The following CISD3 variants were observed in gnomAD, a reference collection of about 807,000 sequenced individuals.
CISD3 encodes the protein CDGSH iron sulfur domain 3.
CISD3 carries 11 observed loss-of-function variants against 14.1 expected under a neutral mutation model. The observed-to-expected ratio is 0.78, with a 90% CI of 0.49 to 1.29. The LOEUF (loss-of-function observed/expected upper bound fraction) is 1.29. CISD3 is among the 50% of genes most tolerant of loss of function. The pLI is 0.00. For synonymous variants in CISD3, 53 were observed against 69.2 expected (o/e 0.77, Z 1.16); for missense variants, 156 against 171.6 (o/e 0.91, Z 0.51).
Position 38,735,461 on chromosome 17 carries a change from G to A in CISD3, c.*2006G>A. The stretch of plus-strand genomic sequence containing the variant: ...GGAGGAGGTGGCTGGCAGGGTGGCA[G>A]GGCTGGGAGCCTTGTCGCTGACTGA... On this transcript the variant is annotated 3_prime_UTR_variant, in exon 4 of 4. Transcript: ENST00000613478. 2 of 1,589,858 alleles carry A rather than the reference G, an allele frequency of 1.3e-6. No individual in the cohort carries two copies. Among genetic ancestry groups the A allele is most frequent in the Non-Finnish European group, 1.7e-6 (2 of 1,168,138 alleles).
In CISD3 at chr17:38,733,590, T is replaced by A. The variant is rs776738159; in HGVS notation, c.*135T>A. ...CTGCTGGCTCATGAAGGAAGAATTA[T>A]TCCTTATAACCTAAAAGTCTCCAGT... On this transcript the variant is annotated 3_prime_UTR_variant, in exon 4 of 4. Coordinates refer to ENST00000613478, the MANE Select transcript of CISD3 (RefSeq NM_001136498.2). The A allele has an allele frequency of 9.6e-6, 9 of 938,874 alleles. No homozygotes were observed. Among genetic ancestry groups the A allele is most frequent in the Non-Finnish European group, 1.4e-5 (9 of 653,876 alleles). 58.2% of individuals were successfully genotyped at this position (938,874 alleles called of 1,614,324 possible).
At position 38,735,304 on chromosome 17, in the gene CISD3, C is replaced by G. The variant is rs752386425; in HGVS notation, c.*1849C>G. ...TGGAGGATGGTGTCTGCAGGCAGTT[C>G]AAGCTACCCCCGTTGGCAGCTGTGG... On this transcript the variant is annotated 3_prime_UTR_variant, in exon 4 of 4. Coordinates refer to ENST00000613478, the MANE Select transcript of CISD3 (RefSeq NM_001136498.2). 1 of 1,520,820 alleles carries G rather than the reference C, an allele frequency of 6.6e-7. No individual in the cohort carries two copies. Among genetic ancestry groups the G allele is most frequent in the South Asian group, 1.3e-5 (1 of 77,556 alleles). 94.2% of individuals were successfully genotyped at this position (1,520,820 alleles called of 1,614,324 possible). A position where few individuals can be genotyped will look rare whatever the true frequency, so the allele number is the denominator to read the frequency against.
chr17:38,730,792 G>T lies in CISD3; in HGVS notation c.81G>T (p.Trp27Cys). 6.4e-7 allele frequency: 1 copy of T among 1,551,620 alleles called. No homozygotes were observed. The highest frequency in any genetic ancestry group is 8.7e-7 in the Non-Finnish European group (1 of 1,146,920). ...ACCCGCGGCGGGACATCTCCTCCTG[G>T]CTGGTGAGTCCCCCCATCCTCCCCT... Reference protein sequence around the residue: ...DLNPRRDISSWLAQWFPRTPA... With the variant: ...DLNPRRDISSCLAQWFPRTPA... The change falls in exon 2 of 4, where the codon TGG (tryptophan) becomes TGT (cysteine). Residue 27 changes from tryptophan to cysteine, a missense_variant. Trp to Cys is a radical substitution (Grantham distance 215). Coordinates refer to ENST00000613478, the MANE Select transcript of CISD3 (RefSeq NM_001136498.2).
At chr17:38,732,953 ACACACACACACACACT>A (rs1393909276) in intron 3 of CISD3, among the ~76,000 whole-genome samples, 2 of 113,704 alleles carry the variant, frequency 1.8e-5, no homozygotes, top group Admixed American at 9.6e-5. Flanking sequence ...ACACACACAC[ACACACACACACACACT>A]CACACTCTAT....
At position 38,735,418 on chromosome 17, in the gene CISD3, G is replaced by A; in HGVS notation, c.*1963G>A. On this transcript the variant is annotated 3_prime_UTR_variant, in exon 4 of 4. Coordinates refer to ENST00000613478, the MANE Select transcript of CISD3 (RefSeq NM_001136498.2). ...AACTGGGAGAGCCATGGGATGGGGT[G>A]GCTGGGCTGGGCAGGGAGGAGGAGG... The A allele has an allele frequency of 6.4e-7, 1 of 1,574,576 alleles. No individual in the cohort carries two copies. Among genetic ancestry groups the A allele is most frequent in the South Asian group, 1.2e-5 (1 of 86,088 alleles).
rs200143494 is a variant in CISD3, at chr17:38,735,555, G to A, written c.*2100G>A. ...GTGGGCACCGTGGCTAGGGTGAGCCGCTTGCAGGCTGGCTGGACACGGTAC... is the reference window on the plus strand; with the variant it reads ...GTGGGCACCGTGGCTAGGGTGAGCCACTTGCAGGCTGGCTGGACACGGTAC... On this transcript the variant is annotated 3_prime_UTR_variant, in exon 4 of 4. Transcript: ENST00000613478. 1.8e-5 allele frequency: 28 copies of A among 1,584,984 alleles called. No homozygotes were observed. Among genetic ancestry groups the A allele is most frequent in the Admixed American group, 5.3e-5 (3 of 56,320 alleles).
At chr17:38,731,062 C>G in intron 2 of CISD3, 1 of 637,582 alleles carries the variant, frequency 1.6e-6, no homozygotes, top group South Asian at 2.0e-5. Context: ...CCCTAGCACG[C>G]AGGTGGGAGC....
At position 38,730,359 on chromosome 17, in the gene CISD3, ATGCGCGGCGCGGGGGCGATCC is replaced by A. The variant is rs1384842397; in HGVS notation, c.6_26del (p.GlyAlaGlyAlaIleLeuArg3_?9). ...GGCGGGCGCGGCGCGGGAGGCGACC[ATGCGCGGCGCGGGGGCGATCC>A]TGCGGCCGGCGGCGCGTGGTGCCCG... On this transcript the variant is annotated start_lost and inframe_deletion, in exon 1 of 4. Transcript: ENST00000613478. The A allele has an allele frequency of 1.0e-5, 12 of 1,164,464 alleles. No individual in the cohort carries two copies. Among genetic ancestry groups the A allele is most frequent in the Non-Finnish European group, 1.3e-5 (12 of 945,306 alleles). The allele number at this position is 1,164,464 out of a possible 1,614,324, so 72.1% of individuals were successfully genotyped here.
chr17:38,731,504 G>C, intron 3 of CISD3, 65 bp downstream of exon 3: 1 of 1,543,980 alleles, frequency 6.5e-7, no homozygotes, highest in Non-Finnish European at 8.8e-7. Context: ...TCTCCAGTGA[G>C]TTCCCACCCA....
In CISD3 at chr17:38,733,272, C is replaced by A; in HGVS notation, c.205-4C>A. 1 of 1,551,610 alleles carries A rather than the reference C, an allele frequency of 6.4e-7. No homozygotes were observed. The highest frequency in any genetic ancestry group is 8.7e-7 in the Non-Finnish European group (1 of 1,146,976). On this transcript the variant is annotated splice_polypyrimidine_tract_variant and splice_region_variant and intron_variant, in intron 3 of 3. Coordinates refer to ENST00000613478, the MANE Select transcript of CISD3 (RefSeq NM_001136498.2). ...GTCTTTGACTCCTGTCTTTCCCCCA[C>A]CAGCCCTTCTGTGACGGCTCCCACT... is the stretch of plus-strand genomic sequence containing the variant.
chr17:38,733,182 C>A, intron 3 of CISD3, 94 bp from the exon 4 acceptor site: 1 of 1,206,144 alleles, frequency 8.3e-7, no homozygotes, highest in Non-Finnish European at 1.2e-6. Context: ...GTACCCTAAC[C>A]ACTGTGCTCC....
Position 38,735,080 on chromosome 17 carries a change from T to C in CISD3, c.*1625T>C, listed in dbSNP as rs1598011247. ...ATATTTGGTTTTTCCTATGTACATA[T>C]ATATATATATTTATTTATAAAACCC... On this transcript the variant is annotated 3_prime_UTR_variant, in exon 4 of 4. Transcript: ENST00000613478. The C allele has an allele frequency of 6.0e-6, 3 of 500,408 alleles. No individual in the cohort carries two copies. The highest frequency in any genetic ancestry group is 7.7e-5 in the Admixed American group (2 of 25,892). The allele number at this position is 500,408 out of a possible 1,614,324, so 31.0% of individuals were successfully genotyped here. A position where few individuals can be genotyped will look rare whatever the true frequency, so the allele number is the denominator to read the frequency against.
In CISD3 at chr17:38,735,366, T is replaced by G. The variant is rs775970031; in HGVS notation, c.*1911T>G. 1.9e-6 allele frequency: 3 copies of G among 1,543,502 alleles called. No individual in the cohort carries two copies. Among genetic ancestry groups the G allele is most frequent in the Non-Finnish European group, 1.8e-6 (2 of 1,141,562 alleles). On this transcript the variant is annotated 3_prime_UTR_variant, in exon 4 of 4. Coordinates refer to ENST00000613478, the MANE Select transcript of CISD3 (RefSeq NM_001136498.2). ...GCTGTCGAAGGGGGAGTGGGGGAGGTAGGGTGGGTGGCTGGAGGCCCATGG... is the reference window on the plus strand; with the variant it reads ...GCTGTCGAAGGGGGAGTGGGGGAGGGAGGGTGGGTGGCTGGAGGCCCATGG...
In CISD3 at chr17:38,735,257, G is replaced by T. The variant is rs1906595190; in HGVS notation, c.*1802G>T. The T allele has an allele frequency of 2.7e-6, 4 of 1,462,408 alleles. No individual in the cohort carries two copies. Among genetic ancestry groups the T allele is most frequent in the Non-Finnish European group, 9.1e-7 (1 of 1,096,816 alleles). 90.6% of individuals were successfully genotyped at this position (1,462,408 alleles called of 1,614,324 possible). ...GGGGGGCACGGGAGCGCCGTTGACA[G>T]TCATCTTGCGCCCCCTGCTGGTGGA... On this transcript the variant is annotated 3_prime_UTR_variant, in exon 4 of 4. Transcript: ENST00000613478.
rs1440900475 is a variant in CISD3 at position 38,731,452 on chromosome 17, T to C, written c.204+13T>C. The C allele has an allele frequency of 1.3e-6, 2 of 1,551,574 alleles. No homozygotes were observed. The highest frequency in any genetic ancestry group is 1.2e-5 in the South Asian group (1 of 84,062). On this transcript the variant is annotated intron_variant, in intron 3 of 3. Coordinates refer to ENST00000613478, the MANE Select transcript of CISD3 (RefSeq NM_001136498.2). ...CAGCAAGAAGCAGGTGAGACCCCTG[T>C]CTGCCTTCCTACTGATACCTCTGGC...
In CISD3 at chr17:38,733,722, CCCACGTGCTG is replaced by C. The variant is rs1906460287; in HGVS notation, c.*270_*279del. 11 of 453,284 alleles carry C rather than the reference CCCACGTGCTG, an allele frequency of 2.4e-5. No individual in the cohort carries two copies. In the South Asian group the frequency reaches 4.5e-4, roughly 19 times the overall value. 28.1% of individuals were successfully genotyped at this position (453,284 alleles called of 1,614,324 possible). ...TAGTCCTGCAGTCACTGCTATGAGG[CCCACGTGCTG>C]CCTCCTGCTCCAGATTTTAACCTCT... is the stretch of plus-strand genomic sequence containing the variant. On this transcript the variant is annotated 3_prime_UTR_variant, in exon 4 of 4. Transcript: ENST00000613478.
At chr17:38,731,272 T>C (rs762336531) in intron 2 of CISD3, 48 bp from the exon 3 acceptor site, 157 of 1,544,000 alleles carry the variant, frequency 1.0e-4, no homozygotes, top group Middle Eastern at 4.3e-4. Context: ...CGGACGGTGC[T>C]TCCAGGGCTT....
chr17:38,730,406 G>A lies in CISD3; in HGVS notation c.48G>A (p.Arg16=), dbSNP rs1446598777. 2.5e-6 allele frequency: 3 copies of A among 1,223,764 alleles called. No homozygotes were observed. Among genetic ancestry groups the A allele is most frequent in the Non-Finnish European group, 3.1e-6 (3 of 981,116 alleles). The allele number at this position is 1,223,764 out of a possible 1,614,324, so 75.8% of individuals were successfully genotyped here. The change falls in exon 1 of 4, where the codon CGG becomes CGA. Residue 16 remains arginine, a splice_region_variant and synonymous_variant. Coordinates refer to ENST00000613478, the MANE Select transcript of CISD3 (RefSeq NM_001136498.2). ...AILRPAARGA[R]DLNPRRDISS... ...TGCGGCCGGCGGCGCGTGGTGCCCG[G>A]GTGAGCACCCCCGCCCTGCACCAGC...
intron 3 of CISD3, among the ~76,000 whole-genome samples, chr17:38,732,361 G>A (rs1169366499): frequency 2.0e-5 from 3 of 152,156 alleles, no homozygotes; most frequent in African/African-American, 4.8e-5. Context: ...TCAGCCAGGC[G>A]AGGTGGCTCA....
Sources: gnomAD v4.1 joint callset for allele counts (sites outside exome capture counted in the v4.1 genomes callset) on GRCh38, gnomAD v4.1.1 for gene constraint, MANE v1.5 for transcripts, NCBI Gene and HGNC (gene_info 2026-07-23, HGNC 2026-07-21) for gene names.